The following SEM1 variants were observed in gnomAD, a reference collection of about 807,000 sequenced individuals.
SEM1 encodes SEM1 26S proteasome subunit, also known as 26S proteasome complex subunit SEM1.
SEM1 carries 3 observed loss-of-function variants against 12.7 expected under a neutral mutation model. The observed-to-expected ratio is 0.24, with a 90% CI of 0.11 to 0.61. The LOEUF (loss-of-function observed/expected upper bound fraction) is 0.61, where lower values mean the gene tolerates loss of function less well. SEM1 is among the 20% of genes least tolerant of loss of function. The pLI is 0.88. For missense variants in SEM1, 59 were observed against 81.3 expected (o/e 0.73, Z 1.06); for synonymous variants, 30 against 27.8 (o/e 1.08, Z -0.25).
intron 2 of SEM1, chr7:96,645,922 T>A: frequency 2.5e-6 from 1 of 398,330 alleles, no homozygotes; most frequent in Non-Finnish European, 4.4e-6. Flanking sequence ...TGGGTAGAGA[T>A]GATGCTGTGT....
chr7:96,506,668 A>C (rs1473743990), exon 3 of SEM1: 2 of 152,060 alleles, frequency 1.3e-5, no homozygotes, highest in Non-Finnish European at 2.9e-5. Context: ...ACAATTCCAC[A>C]AGGTCAAACA....
In SEM1 at chr7:96,640,467, T is replaced by C. The variant is rs1808558335; in HGVS notation, c.171-17824A>G. On this transcript the variant is annotated intron_variant, in intron 2 of 2. Transcript: ENST00000417009. The surrounding 1 kb of genome is among the most constrained non-coding windows in gnomAD (Gnocchi z 4.0). ...GTGCATATTACCAAGTGAAGGAAGCTCATCTGAAAATGCCACATACTGTAT... is the reference window on the plus strand; with the variant it reads ...GTGCATATTACCAAGTGAAGGAAGCCCATCTGAAAATGCCACATACTGTAT... Among the ~76,000 whole-genome samples, 1 of 151,928 alleles carries C rather than the reference T, an allele frequency of 6.6e-6. No homozygotes were observed. Among genetic ancestry groups the C allele is most frequent in the African/African-American group, 2.4e-5 (1 of 41,394 alleles).
At chr7:96,645,664 TA>T in intron 2 of SEM1, 2 of 396,918 alleles carry the variant, frequency 5.0e-6, no homozygotes, top group East Asian at 7.1e-5. Flanking sequence ...CCATACACAG[TA>T]GTTTTATTTT....
At chr7:96,690,433 T>TA (rs1425904627) in intron 2 of SEM1, among the ~76,000 whole-genome samples, 2 of 152,000 alleles carry the variant, frequency 1.3e-5, no homozygotes, top group African/African-American at 4.8e-5. Flanking sequence ...GCTAAATTCT[T>TA]AGAAAAGATG....
intron 2 of SEM1, among the ~76,000 whole-genome samples, chr7:96,581,757 A>C (rs922652179): frequency 6.6e-6 from 1 of 151,642 alleles, no homozygotes; most frequent in Non-Finnish European, 1.5e-5. Flanking sequence ...TTCACTCATG[A>C]TTTGGCTCTC....
chr7:96,632,960 G>A (rs1808319481), intron 2 of SEM1, among the ~76,000 whole-genome samples: 1 of 151,916 alleles, frequency 6.6e-6, no homozygotes, highest in South Asian at 2.1e-4. Flanking sequence ...AGCAAAGTTT[G>A]ACAATAACTG....
intron 2 of SEM1, among the ~76,000 whole-genome samples, chr7:96,653,474 A>T (rs1473422679): frequency 1.3e-5 from 2 of 152,148 alleles, no homozygotes; most frequent in Non-Finnish European, 2.9e-5. Flanking sequence ...AATTAAGGTG[A>T]TTTCAGCTAA....
intron 1 of SEM1, chr7:96,695,616 G>A (rs1269234848): frequency 6.6e-6 from 1 of 151,756 alleles, no homozygotes; most frequent in Non-Finnish European, 1.5e-5. Context: ...TTATTTTAAG[G>A]AGTCTTTATA....
rs141283460 is a variant in SEM1, at chr7:96,489,097, T to C, written c.13-2680A>G. ...AAAATTGCACTTGGCAGATGATTGA[T>C]TGGACACATACCTCTAAGCAACACC... On this transcript the variant is annotated intron_variant, in intron 1 of 3. Coordinates refer to the SEM1 transcript ENST00000356686. 7.9e-5 allele frequency among the ~76,000 whole-genome samples: 12 copies of C among 152,248 alleles called. No homozygotes were observed. In the East Asian group the frequency reaches 2.3e-3, roughly 29 times the overall value.
At chr7:96,679,463 C>CA (rs1182792343) in intron 2 of SEM1, among the ~76,000 whole-genome samples, 2 of 151,992 alleles carry the variant, frequency 1.3e-5, no homozygotes, top group African/African-American at 4.8e-5. Flanking sequence ...AAAAGCACAT[C>CA]ATTTATACCT....
intron 2 of SEM1, among the ~76,000 whole-genome samples, chr7:96,512,581 G>T (rs1249725298): frequency 6.6e-6 from 1 of 152,158 alleles, no homozygotes; most frequent in Non-Finnish European, 1.5e-5. Context: ...TGAAGGATTA[G>T]TGAGAAAAGG....
At chr7:96,551,286 C>T (rs959467037) in intron 2 of SEM1, among the ~76,000 whole-genome samples, 1 of 152,078 alleles carries the variant, frequency 6.6e-6, no homozygotes, top group Admixed American at 6.5e-5. Context: ...TATGTTCACC[C>T]GAGACCTTGA....
At chr7:96,528,022 T>C (rs1234480251) in intron 2 of SEM1, among the ~76,000 whole-genome samples, 1 of 152,180 alleles carries the variant, frequency 6.6e-6, no homozygotes, top group Non-Finnish European at 1.5e-5. Flanking sequence ...TGTATTTTGC[T>C]GATTTGTAAA....
intron 2 of SEM1, among the ~76,000 whole-genome samples, chr7:96,637,818 C>A (rs918421318): frequency 1.3e-5 from 2 of 151,962 alleles, no homozygotes; most frequent in African/African-American, 2.4e-5. Context: ...ATTACCCTGG[C>A]TAATTCTTAT....
intron 2 of SEM1, among the ~76,000 whole-genome samples, chr7:96,652,387 G>T (rs1388725326): frequency 1.3e-5 from 2 of 151,740 alleles, no homozygotes; most frequent in Non-Finnish European, 2.9e-5. Flanking sequence ...ACATATTTTG[G>T]TAAACTAGTT....
At chr7:96,587,906 C>T (rs1013399834) in intron 2 of SEM1, among the ~76,000 whole-genome samples, 1 of 152,190 alleles carries the variant, frequency 6.6e-6, no homozygotes, top group African/African-American at 2.4e-5. Flanking sequence ...CTATTGAACA[C>T]TGTAGAAAGC....
intron 2 of SEM1, among the ~76,000 whole-genome samples, chr7:96,661,936 C>G: frequency 7.4e-6 from 1 of 134,762 alleles, no homozygotes; most frequent in Non-Finnish European, 1.5e-5. Flanking sequence ...TGTGGTGAGC[C>G]AAGATCATGC....
chr7:96,593,394 A>T (rs1448551744), intron 2 of SEM1, among the ~76,000 whole-genome samples: 3 of 152,158 alleles, frequency 2.0e-5, no homozygotes, highest in Non-Finnish European at 2.9e-5. Context: ...TCCAGAGAAT[A>T]CTTTACATAT....
In SEM1 at chr7:96,570,635, A is replaced by T. The variant is rs181118737; in HGVS notation, c.171-63937T>A. On this transcript the variant is annotated intron_variant and NMD_transcript_variant, in intron 2 of 3. Transcript: ENST00000466986. ...TTGGTTCCAAGTCTTTGCTATTGTG[A>T]ACAGTGCCGCGATAAACGATAAACA... Among the ~76,000 whole-genome samples, 800 of 152,230 alleles carry T rather than the reference A, an allele frequency of 5.3e-3. 11 individuals carry two copies. The highest frequency in any genetic ancestry group is 0.018 in the African/African-American group (764 of 41,544).
Sources: allele counts gnomAD v4.1 joint callset (sites outside exome capture counted in the v4.1 genomes callset), GRCh38; gene constraint gnomAD v4.1.1; non-coding constraint Gnocchi (gnomAD v3.1); transcripts MANE v1.5; gene names NCBI Gene and HGNC (gene_info 2026-07-23, HGNC 2026-07-21).